The following ADAMTS20 variants were observed in gnomAD, a reference collection of about 807,000 sequenced individuals.
The protein encoded by ADAMTS20 is ADAM metallopeptidase with thrombospondin type 1 motif 20, also known as A disintegrin and metalloproteinase with thrombospondin motifs 20.
A neutral mutation model predicts 260.1 loss-of-function variants in ADAMTS20; 225 were observed. That is an observed-to-expected ratio of 0.87 (90% CI 0.78 to 0.97). The LOEUF (loss-of-function observed/expected upper bound fraction) is 0.97. Among genes scored for constraint, ADAMTS20 ranks in the 50% least tolerant of loss-of-function variants. ADAMTS20 has a pLI of 0.00. For synonymous variants in ADAMTS20, 802 were observed against 769.5 expected (o/e 1.04, Z -0.70); for missense variants, 2,400 against 2,337.7 (o/e 1.03, Z -0.55).
At chr12:43,524,062 A>G (rs1191185062) in intron 3 of ADAMTS20, among the ~76,000 whole-genome samples, 1 of 149,838 alleles carries the variant, frequency 6.7e-6, no homozygotes, top group Non-Finnish European at 1.5e-5. Flanking sequence ...GACACAGTCC[A>G]TTACGGCATC....
chr12:43,443,415 TA>T (rs1005224588), intron 16 of ADAMTS20, among the ~76,000 whole-genome samples: 12 of 151,226 alleles, frequency 7.9e-5, no homozygotes, highest in African/African-American at 2.2e-4. Context: ...AGCTACATAG[TA>T]AAAAAAAATT....
At chr12:43,497,478 C>A (rs1046916229) in intron 4 of ADAMTS20, among the ~76,000 whole-genome samples, 1 of 152,098 alleles carries the variant, frequency 6.6e-6, no homozygotes, top group Non-Finnish European at 1.5e-5. Flanking sequence ...GATCATTACT[C>A]TTTACTTCTT....
At chr12:43,497,173 T>C (rs990412106) in intron 4 of ADAMTS20, among the ~76,000 whole-genome samples, 3 of 152,210 alleles carry the variant, frequency 2.0e-5, no homozygotes, top group African/African-American at 7.2e-5. Context: ...CTGACTTGTT[T>C]ATAGGTTTCA....
intron 2 of ADAMTS20, among the ~76,000 whole-genome samples, chr12:43,547,514 A>C (rs1943456673): frequency 6.6e-6 from 1 of 152,200 alleles, no homozygotes; most frequent in Non-Finnish European, 1.5e-5. Flanking sequence ...TGTGGGACTC[A>C]AGGAAGGAAC....
At chr12:43,375,281 C>T (rs1464849043) in intron 36 of ADAMTS20, 98 bp downstream of exon 36, 1 of 1,320,778 alleles carries the variant, frequency 7.6e-7, no homozygotes, top group Non-Finnish European at 1.0e-6. Context: ...ATGTCAGGTC[C>T]TTCTCTGTAC....
chr12:43,388,585 T>C (rs1313390703), intron 29 of ADAMTS20, among the ~76,000 whole-genome samples: 1 of 152,238 alleles, frequency 6.6e-6, no homozygotes. Context: ...GTTTTTCTTA[T>C]GTGTACAATT....
intron 7 of ADAMTS20, among the ~76,000 whole-genome samples, chr12:43,471,229 G>A (rs950776080): frequency 3.3e-5 from 5 of 152,198 alleles, no homozygotes; most frequent in Middle Eastern, 3.4e-3. Flanking sequence ...GGTGACGGAC[G>A]CACCTGGAAA....
At chr12:43,529,732 T>G (rs1943194814) in intron 3 of ADAMTS20, among the ~76,000 whole-genome samples, 1 of 152,052 alleles carries the variant, frequency 6.6e-6, no homozygotes, top group South Asian at 2.1e-4. Flanking sequence ...ACAAGTGCAC[T>G]AAAATATCAG....
chr12:43,354,531 T>A (rs1939703534), intron 38 of ADAMTS20, among the ~76,000 whole-genome samples: 1 of 148,958 alleles, frequency 6.7e-6, no homozygotes, highest in African/African-American at 2.5e-5. Flanking sequence ...GCTAGTTGAA[T>A]ATTATATACA....
intron 28 of ADAMTS20, among the ~76,000 whole-genome samples, chr12:43,406,904 AC>A (rs1262091642): frequency 3.9e-5 from 6 of 152,056 alleles, no homozygotes; most frequent in African/African-American, 7.2e-5. Context: ...GCATATTAAG[AC>A]TAGAGTGTCA....
intron 2 of ADAMTS20, among the ~76,000 whole-genome samples, chr12:43,534,494 T>C (rs1433750195): frequency 6.6e-6 from 1 of 152,194 alleles, no homozygotes; most frequent in Non-Finnish European, 1.5e-5. Flanking sequence ...ACCATACATT[T>C]GCATGTGTGA....
chr12:43,489,514 CA>C (rs1440105705), intron 7 of ADAMTS20, among the ~76,000 whole-genome samples: 1 of 151,454 alleles, frequency 6.6e-6, no homozygotes, highest in African/African-American at 2.4e-5. Context: ...AATTCATTAG[CA>C]ATCAGTGAAA....
At chr12:43,369,825 A>G (rs1940067956) in intron 36 of ADAMTS20, among the ~76,000 whole-genome samples, 2 of 152,188 alleles carry the variant, frequency 1.3e-5, no homozygotes, top group South Asian at 2.1e-4. Flanking sequence ...TCTCTCCACA[A>G]AAAAGTATGC....
rs565774029 is a variant in ADAMTS20, at chr12:43,422,697, C to G, written c.4284+2817G>C. The G allele has an allele frequency of 1.1e-4, 17 of 152,088 alleles. No individual in the cohort carries two copies. In the South Asian group the frequency reaches 3.1e-3, roughly 28 times the overall value. The allele number at this position is 152,088 out of a possible 1,614,324, so 9.4% of individuals were successfully genotyped here. ...AAAAATACTACATTTCTTCATAGTG[C>G]AAAGAGTGAATTATTCAATGAATTC... On this transcript the variant is annotated intron_variant, in intron 28 of 38. Coordinates refer to ENST00000389420, the MANE Select transcript of ADAMTS20 (RefSeq NM_025003.5).
chr12:43,411,684 A>G (rs1373252563), intron 28 of ADAMTS20, among the ~76,000 whole-genome samples: 1 of 152,148 alleles, frequency 6.6e-6, no homozygotes, highest in Non-Finnish European at 1.5e-5. Flanking sequence ...CTGCTTTTTA[A>G]TACCATAAGC....
rs527303697 is a variant in ADAMTS20 at position 43,517,401 on chromosome 12, A to C, written c.613+14635T>G. ...GCTTGCATTTTTATATAGAATAAAC[A>C]AAACAGTTAGAAAATAAAATTTTTA... On this transcript the variant is annotated intron_variant, in intron 3 of 38. Transcript: ENST00000389420. Among the ~76,000 whole-genome samples, 118 of 152,186 alleles carry C rather than the reference A, an allele frequency of 7.8e-4. 1 individual carries two copies. The highest frequency in any genetic ancestry group is 2.8e-3 in the African/African-American group (116 of 41,576).
At chr12:43,472,146 C>A (rs1942275069) in intron 7 of ADAMTS20, among the ~76,000 whole-genome samples, 1 of 145,704 alleles carries the variant, frequency 6.9e-6, no homozygotes, top group African/African-American at 2.5e-5. Flanking sequence ...CTTAAAGGAG[C>A]TGATGGAGCT....
rs533625818 is a variant in ADAMTS20 at position 43,500,262 on chromosome 12, C to T, written c.867+1890G>A. Among the ~76,000 whole-genome samples, 24 of 152,290 alleles carry T rather than the reference C, an allele frequency of 1.6e-4. No homozygotes were observed. In the South Asian group the frequency reaches 2.7e-3, roughly 17 times the overall value. ...CAGACTGGTCTCGAACTCCTGACCT[C>T]AGGTAATCTGCATGCCTCGGCCTCT... is the stretch of plus-strand genomic sequence containing the variant. On this transcript the variant is annotated intron_variant, in intron 4 of 38. Coordinates refer to ENST00000389420, the MANE Select transcript of ADAMTS20 (RefSeq NM_025003.5).
intron 11 of ADAMTS20, among the ~76,000 whole-genome samples, chr12:43,459,707 A>G (rs960035571): frequency 6.6e-6 from 1 of 152,224 alleles, no homozygotes; most frequent in Non-Finnish European, 1.5e-5. Context: ...CCAAGCTTAT[A>G]GCAGTAAAAA....
Sources: gnomAD v4.1 joint callset for allele counts (sites outside exome capture counted in the v4.1 genomes callset) on GRCh38, gnomAD v4.1.1 for gene constraint, MANE v1.5 for transcripts, NCBI Gene and HGNC (gene_info 2026-07-23, HGNC 2026-07-21) for gene names.